CMTM6: variants seen among roughly 807,000 people sequenced by gnomAD.
CMTM6 encodes the protein CKLF-like MARVEL transmembrane domain-containing protein 6.
Under a neutral mutation model 13.6 loss-of-function variants are expected in CMTM6, and 5 were observed. That is an observed-to-expected ratio of 0.37 (90% CI 0.19 to 0.77). The LOEUF (loss-of-function observed/expected upper bound fraction) is 0.77, where lower values mean the gene tolerates loss of function less well. Ranked by LOEUF, CMTM6 falls within the 30% of genes least tolerant of loss-of-function variation. The pLI is 0.50. For missense variants in CMTM6, 196 were observed against 218.6 expected (o/e 0.90, Z 0.65); for synonymous variants, 99 against 84.5 (o/e 1.17, Z -0.94).
chr3:32,501,283 A>C (rs573623373), intron 1 of CMTM6, among the ~76,000 whole-genome samples: 1 of 152,334 alleles, frequency 6.6e-6, no homozygotes, highest in East Asian at 1.9e-4. Flanking sequence ...ACTGCAGAGA[A>C]ATACAGCTAA....
chr3:32,494,593 A>G (rs1697274076), intron 1 of CMTM6, among the ~76,000 whole-genome samples: 1 of 150,464 alleles, frequency 6.6e-6, no homozygotes, highest in South Asian at 2.1e-4. Context: ...AATTTTATTC[A>G]TAGTAGCCCC....
chr3:32,488,155 A>G (rs752779832), intron 2 of CMTM6, 119 bp from the exon 3 acceptor site: 1 of 661,326 alleles, frequency 1.5e-6, no homozygotes, highest in Non-Finnish European at 2.6e-6. Flanking sequence ...GATACAACCC[A>G]AACTTACATA....
At chr3:32,489,705 T>G (rs186437692) in intron 2 of CMTM6, among the ~76,000 whole-genome samples, 146 of 152,208 alleles carry the variant, frequency 9.6e-4, no homozygotes, top group African/African-American at 3.4e-3. Context: ...GGTGTTTCCC[T>G]GTAGTACTTT....
Position 32,502,643 on chromosome 3 carries a change from G to A in CMTM6, c.103C>T (p.Pro35Ser), listed in dbSNP as rs1389023091. 2.5e-6 allele frequency: 4 copies of A among 1,596,206 alleles called. No homozygotes were observed. Among genetic ancestry groups the A allele is most frequent in the African/African-American group, 2.7e-5 (2 of 74,584 alleles). Reference sequence around the variant, plus strand: ...CCCTTGAGAACGCGCCGGAGCAATGGGAGCCGGCCCATGAAAAAGTAGGCA... The same window carrying A: ...CCCTTGAGAACGCGCCGGAGCAATGAGAGCCGGCCCATGAAAAAGTAGGCA... ...LAAYFFMGRL[P>S]LLRRVLKGLQ... The change falls in exon 1 of 4, where the codon CCA (proline) becomes TCA (serine). Residue 35 changes from proline to serine, a missense_variant. Transcript: ENST00000205636.
chr3:32,502,246 G>C (rs1325771786), intron 1 of CMTM6, among the ~76,000 whole-genome samples: 1 of 152,232 alleles, frequency 6.6e-6, no homozygotes. Context: ...CTAAATACAG[G>C]CACTGTGGGC....
At chr3:32,493,296 G>A (rs1697264468) in intron 1 of CMTM6, among the ~76,000 whole-genome samples, 1 of 152,158 alleles carries the variant, frequency 6.6e-6, no homozygotes, top group South Asian at 2.1e-4. Context: ...TATGGTGAGT[G>A]GAGAATGTTA....
rs759559567 is a variant in CMTM6, at chr3:32,502,694, C to A, written c.52G>T (p.Ala18Ser). Residue 18 changes from alanine (A) to serine (S), a missense_variant, in exon 1 of 4, where the codon GCC becomes TCC. Transcript: ENST00000205636. ...GCGAGGCCGCTCCGGGGGCCTCTGG[C>A]GGGGCCCGGGTCCTCCTCCGTAGTG... ...SPTTEEDPGPARGPRSGLAAY... is the reference protein window; with the variant it reads ...SPTTEEDPGPSRGPRSGLAAY... 27 of 1,584,330 alleles carry A rather than the reference C, an allele frequency of 1.7e-5. No homozygotes were observed. Among genetic ancestry groups the A allele is most frequent in the African/African-American group, 8.1e-5 (6 of 73,840 alleles).
At chr3:32,497,395 A>G (rs1697303877) in intron 1 of CMTM6, among the ~76,000 whole-genome samples, 1 of 119,808 alleles carries the variant, frequency 8.3e-6, no homozygotes, top group African/African-American at 3.9e-5. Flanking sequence ...AAAAAAAAAA[A>G]AAAAAGAAAG....
rs1275611917 is a variant in CMTM6 at position 32,482,732 on chromosome 3, T to C, written c.*1228A>G. Reference sequence around the variant, plus strand: ...GGATATTTACTTTTTTTTTTTTTTTTTTTTGCCAAAGACAAACTAGAGCAA... The same window carrying C: ...GGATATTTACTTTTTTTTTTTTTTTCTTTTGCCAAAGACAAACTAGAGCAA... On this transcript the variant is annotated 3_prime_UTR_variant, in exon 4 of 4. Transcript: ENST00000205636. The C allele has an allele frequency of 6.6e-6, 1 of 150,644 alleles. No homozygotes were observed. The highest frequency in any genetic ancestry group is 2.5e-5 in the African/African-American group (1 of 40,734). The allele number at this position is 150,644 out of a possible 1,614,324, so 9.3% of individuals were successfully genotyped here.
chr3:32,497,002 G>A (rs1160471565), intron 1 of CMTM6, among the ~76,000 whole-genome samples: 1 of 152,088 alleles, frequency 6.6e-6, no homozygotes. Flanking sequence ...ATTGGGTGGG[G>A]CCTAAAGGAA....
chr3:32,492,129 T>C (rs1697254643), intron 1 of CMTM6, among the ~76,000 whole-genome samples: 1 of 152,120 alleles, frequency 6.6e-6, no homozygotes, highest in African/African-American at 2.4e-5. Flanking sequence ...AAATATATAA[T>C]ATTGTTATAA....
In CMTM6 at chr3:32,492,258, C is replaced by T. The variant is rs569678831; in HGVS notation, c.139-372G>A. Among the ~76,000 whole-genome samples, 8 of 152,250 alleles carry T rather than the reference C, an allele frequency of 5.3e-5. No homozygotes were observed. In the South Asian group the frequency reaches 1.2e-3, roughly 24 times the overall value. On this transcript the variant is annotated intron_variant, in intron 1 of 3. Transcript: ENST00000205636. Reference sequence around the variant, plus strand: ...AAAGATTAAGGAAAGAAATTCCCAGCAGAGAAGCAGTATATAGAAAGGCCA... The same window carrying T: ...AAAGATTAAGGAAAGAAATTCCCAGTAGAGAAGCAGTATATAGAAAGGCCA...
At chr3:32,490,773 ATT>A (rs1697243665) in intron 2 of CMTM6, among the ~76,000 whole-genome samples, 1 of 152,178 alleles carries the variant, frequency 6.6e-6, no homozygotes, top group African/African-American at 2.4e-5. Flanking sequence ...TTATGGTGAT[ATT>A]GTTTCACTGT....
intron 3 of CMTM6, chr3:32,487,721 G>C: frequency 2.4e-6 from 1 of 413,772 alleles, no homozygotes; most frequent in Non-Finnish European, 4.4e-6. Flanking sequence ...TGGAGTAAGT[G>C]GATTTTTTTT....
At chr3:32,495,425 T>C (rs935041057) in intron 1 of CMTM6, among the ~76,000 whole-genome samples, 42 of 152,252 alleles carry the variant, frequency 2.8e-4, no homozygotes, top group African/African-American at 9.6e-4. Flanking sequence ...CTAACATGAC[T>C]ATAGTCTAAT....
At chr3:32,498,475 G>T (rs1460396794) in intron 1 of CMTM6, among the ~76,000 whole-genome samples, 1 of 151,968 alleles carries the variant, frequency 6.6e-6, no homozygotes, top group Non-Finnish European at 1.5e-5. Context: ...AAAACAATTT[G>T]CTAACATCAA....
chr3:32,486,529 T>C (rs1697207150), intron 3 of CMTM6, among the ~76,000 whole-genome samples: 2 of 152,228 alleles, frequency 1.3e-5, no homozygotes, highest in South Asian at 2.1e-4. Context: ...TAATATAGCA[T>C]ATGTACAGCA....
In CMTM6 at chr3:32,502,832, C is replaced by G. The variant is rs1025250216; in HGVS notation, c.-87G>C. The G allele has an allele frequency of 7.4e-7, 1 of 1,347,570 alleles. No homozygotes were observed. Among genetic ancestry groups the G allele is most frequent in the Non-Finnish European group, 9.5e-7 (1 of 1,048,118 alleles). 83.5% of individuals were successfully genotyped at this position (1,347,570 alleles called of 1,614,324 possible). On this transcript the variant is annotated 5_prime_UTR_variant, in exon 1 of 4. Transcript: ENST00000205636. Reference sequence around the variant, plus strand: ...AAGTCCCCGGTAGCCGGGAGGCGGCCGTCACTTCCTGGGCCTTCTCCCCGG... The same window carrying G: ...AAGTCCCCGGTAGCCGGGAGGCGGCGGTCACTTCCTGGGCCTTCTCCCCGG...
chr3:32,501,014 G>A (rs554987485), intron 1 of CMTM6, among the ~76,000 whole-genome samples: 2 of 149,326 alleles, frequency 1.3e-5, no homozygotes, highest in African/African-American at 2.5e-5. Flanking sequence ...TGGTCAACAC[G>A]GCGAAACCCC....
Sources: allele counts gnomAD v4.1 joint callset (sites outside exome capture counted in the v4.1 genomes callset), GRCh38; gene constraint gnomAD v4.1.1; transcripts MANE v1.5; gene names NCBI Gene and HGNC (gene_info 2026-07-23, HGNC 2026-07-21).